NINL: variants seen among roughly 807,000 people sequenced by gnomAD.
NINL encodes the protein ninein-like protein.
In NINL, 153 loss-of-function variants were observed where a neutral mutation model predicts 160.3. That is an observed-to-expected ratio of 0.95 (90% CI 0.84 to 1.09). NINL has a LOEUF of 1.09. Ranked by LOEUF, NINL falls within the 50% of genes least tolerant of loss-of-function variation. The pLI is 0.00. For missense variants in NINL, 1,829 were observed against 1,764.0 expected (o/e 1.04, Z -0.66); for synonymous variants, 800 against 734.8 (o/e 1.09, Z -1.43).
At chr20:25,494,406 G>GCACCACCGCTGTACCC (rs2063706669) in intron 10 of NINL, among the ~76,000 whole-genome samples, 1 of 151,620 alleles carries the variant, frequency 6.6e-6, no homozygotes, top group Non-Finnish European at 1.5e-5. Context: ...TACACGTACT[G>GCACCACCGCTGTACCC]CACCACCGCT....
intron 1 of NINL, among the ~76,000 whole-genome samples, chr20:25,539,820 G>A (rs551302103): frequency 1.3e-5 from 2 of 152,340 alleles, no homozygotes; most frequent in Admixed American, 6.5e-5. Context: ...CAGAGGCAAG[G>A]ACACCCCTTC....
At chr20:25,491,966 G>C (rs761559087) in intron 10 of NINL, among the ~76,000 whole-genome samples, 2 of 152,264 alleles carry the variant, frequency 1.3e-5, no homozygotes, top group Non-Finnish European at 2.9e-5. Context: ...CTGAGGAAGA[G>C]GTGGGGGATA....
chr20:25,488,624 CCT>C (rs2063553941), intron 13 of NINL, among the ~76,000 whole-genome samples: 1 of 151,988 alleles, frequency 6.6e-6, no homozygotes, highest in Non-Finnish European at 1.5e-5. Context: ...AGCATCCCGT[CCT>C]CTGTTTGGCC....
chr20:25,460,770 G>A (rs550953518), intron 21 of NINL, among the ~76,000 whole-genome samples: 6 of 150,680 alleles, frequency 4.0e-5, no homozygotes, highest in African/African-American at 1.2e-4. Flanking sequence ...GGCCAGCGCC[G>A]GGGGGGACCA....
At chr20:25,460,580 CA>C in intron 21 of NINL, among the ~76,000 whole-genome samples, 1 of 152,134 alleles carries the variant, frequency 6.6e-6, no homozygotes, top group African/African-American at 2.4e-5. Flanking sequence ...CTTTTAGACT[CA>C]AAAGTAGAGA....
intron 4 of NINL, among the ~76,000 whole-genome samples, chr20:25,512,407 G>A (rs2064086523): frequency 6.6e-6 from 1 of 152,170 alleles, no homozygotes; most frequent in Non-Finnish European, 1.5e-5. Context: ...GAGAGATGTT[G>A]TATACAAAGG....
intron 10 of NINL, among the ~76,000 whole-genome samples, 176 bp downstream of exon 10, chr20:25,496,485 GCT>G (rs756362344): frequency 1.3e-5 from 2 of 152,232 alleles, no homozygotes; most frequent in Non-Finnish European, 1.5e-5. Flanking sequence ...GAAGAGCAGG[GCT>G]CTGCTGCTTT....
At chr20:25,494,632 C>T (rs925468687) in intron 10 of NINL, among the ~76,000 whole-genome samples, 8 of 152,234 alleles carry the variant, frequency 5.3e-5, no homozygotes, top group East Asian at 1.9e-4. Flanking sequence ...GGTGAGGCCC[C>T]GCCCTGTCCC....
intron 1 of NINL, among the ~76,000 whole-genome samples, chr20:25,574,367 T>C (rs1000397288): frequency 6.6e-5 from 10 of 152,208 alleles, no homozygotes; most frequent in South Asian, 2.1e-4. Flanking sequence ...TTTTTTTTTT[T>C]CTAGGAGAAT....
At chr20:25,568,619 C>T (rs2065020170) in intron 1 of NINL, among the ~76,000 whole-genome samples, 2 of 151,794 alleles carry the variant, frequency 1.3e-5, no homozygotes, top group African/African-American at 4.8e-5. Context: ...CTATGTTTCC[C>T]AGACTGGTCT....
intron 17 of NINL, among the ~76,000 whole-genome samples, chr20:25,475,784 C>T (rs1368307353): frequency 6.6e-6 from 1 of 152,176 alleles, no homozygotes; most frequent in South Asian, 2.1e-4. Context: ...ATCTTGAACC[C>T]GGAAGGTGGG....
chr20:25,460,976 CCT>C (rs1283022640), intron 21 of NINL, among the ~76,000 whole-genome samples: 8 of 152,330 alleles, frequency 5.3e-5, no homozygotes, highest in Middle Eastern at 3.4e-3. Flanking sequence ...ACAAGCATCC[CCT>C]GAGCCGGCTC....
intron 5 of NINL, among the ~76,000 whole-genome samples, chr20:25,506,546 T>C (rs1380098093): frequency 1.3e-5 from 2 of 152,180 alleles, no homozygotes; most frequent in Admixed American, 1.3e-4. Context: ...AAGTCAAAGA[T>C]GTGCTGAATA....
intron 1 of NINL, among the ~76,000 whole-genome samples, chr20:25,528,708 A>C (rs1408220210): frequency 6.6e-6 from 1 of 152,180 alleles, no homozygotes; most frequent in Non-Finnish European, 1.5e-5. Flanking sequence ...ACCACATAAA[A>C]CCACCAATAT....
Position 25,480,190 on chromosome 20 carries a change from G to T in NINL, c.1888C>A (p.Gln630Lys). The T allele has an allele frequency of 6.2e-7, 1 of 1,613,954 alleles. No individual in the cohort carries two copies. The highest frequency in any genetic ancestry group is 8.5e-7 in the Non-Finnish European group (1 of 1,179,950). The part of the protein sequence containing the change: ...LMMEQVKEHY[Q>K]DLRTQLETKV... ...GTCTCCAGCTGGGTCCTGAGGTCTTGGTAATGCTCCTTTACCTGCTCCATC... is the reference window on the plus strand; with the variant it reads ...GTCTCCAGCTGGGTCCTGAGGTCTTTGTAATGCTCCTTTACCTGCTCCATC... The change falls in exon 15 of 24, where the codon CAA (glutamine) becomes AAA (lysine). Residue 630 changes from glutamine to lysine, a missense_variant. Gln to Lys is a moderately conservative substitution (Grantham distance 53). Coordinates refer to ENST00000278886, the MANE Select transcript of NINL (RefSeq NM_025176.6).
chr20:25,561,172 G>T (rs941410361), intron 1 of NINL, among the ~76,000 whole-genome samples: 2 of 152,224 alleles, frequency 1.3e-5, no homozygotes, highest in African/African-American at 4.8e-5. Flanking sequence ...GAGTGCCTGC[G>T]ATTGCAGGCG....
chr20:25,509,087 T>C (rs554609655), intron 5 of NINL, among the ~76,000 whole-genome samples: 1 of 152,270 alleles, frequency 6.6e-6, no homozygotes, highest in Non-Finnish European at 1.5e-5. Flanking sequence ...TAGAATGTGG[T>C]GGAAGGGATG....
chr20:25,472,021 TA>T (rs1276331868), intron 17 of NINL, among the ~76,000 whole-genome samples: 1 of 152,050 alleles, frequency 6.6e-6, no homozygotes, highest in Non-Finnish European at 1.5e-5. Context: ...TTTACATAAA[TA>T]AAAGACAGCA....
At chr20:25,455,629 CAG>C (rs760065574) in intron 23 of NINL, 42 bp downstream of exon 23, 2 of 1,420,442 alleles carry the variant, frequency 1.4e-6, no homozygotes, top group African/African-American at 2.8e-5. Flanking sequence ...GGAGAGCGTT[CAG>C]AAGAGGACGT....
Sources: gnomAD v4.1 joint callset for allele counts (sites outside exome capture counted in the v4.1 genomes callset) on GRCh38, gnomAD v4.1.1 for gene constraint, MANE v1.5 for transcripts, NCBI Gene and HGNC (gene_info 2026-07-23, HGNC 2026-07-21) for gene names.